Variants in XRCC4 observed in about 807,000 individuals in gnomAD.
XRCC4 encodes the protein X-ray repair cross complementing 4.
Under a neutral mutation model 39.1 loss-of-function variants are expected in XRCC4, and 28 were observed. The observed-to-expected ratio is 0.72, with a 90% CI of 0.53 to 0.98. The LOEUF (loss-of-function observed/expected upper bound fraction) is 0.98. XRCC4 is among the 50% of genes least tolerant of loss of function. The probability of loss-of-function intolerance (pLI) is 0.00; values close to 1 mark genes in which losing one functional copy is unlikely to be tolerated. For synonymous variants in XRCC4, 123 were observed against 126.4 expected (o/e 0.97, Z 0.18); for missense variants, 350 against 376.4 (o/e 0.93, Z 0.58).
chr5:83,340,618 TA>T (rs34646294), intron 7 of XRCC4, among the ~76,000 whole-genome samples: 64 of 145,098 alleles, frequency 4.4e-4, no homozygotes, highest in East Asian at 8.1e-4. Flanking sequence ...CTCTACAAGC[TA>T]AAAAAAAAAA....
chr5:83,089,992 GC>G (rs1745348830), intron 1 of XRCC4, among the ~76,000 whole-genome samples: 1 of 152,136 alleles, frequency 6.6e-6, no homozygotes, highest in African/African-American at 2.4e-5. Context: ...CTGTGGACAT[GC>G]CACCTTTTAG....
intron 7 of XRCC4, chr5:83,280,687 A>T (rs1041530441): frequency 3.8e-5 from 9 of 238,416 alleles, no homozygotes; most frequent in Admixed American, 5.8e-5. Flanking sequence ...GAATCCATTC[A>T]TAAGGGCAGA....
At chr5:83,226,640 AT>A (rs773915515) in intron 6 of XRCC4, among the ~76,000 whole-genome samples, 2 of 152,030 alleles carry the variant, frequency 1.3e-5, no homozygotes, top group African/African-American at 4.8e-5. Flanking sequence ...GATGTTGGGG[AT>A]TTCTTTCCCA....
intron 3 of XRCC4, among the ~76,000 whole-genome samples, chr5:83,153,014 A>G (rs1028032839): frequency 4.6e-5 from 7 of 152,178 alleles, no homozygotes; most frequent in African/African-American, 1.7e-4. Flanking sequence ...TATGACCACA[A>G]GAATACTTCC....
chr5:83,138,412 A>G (rs1387068742), intron 3 of XRCC4, among the ~76,000 whole-genome samples: 3 of 152,018 alleles, frequency 2.0e-5, no homozygotes, highest in Non-Finnish European at 4.4e-5. Context: ...CTTGTTAGAT[A>G]TTTGTTATTG....
chr5:83,340,978 T>C (rs1756739841), intron 7 of XRCC4, among the ~76,000 whole-genome samples: 1 of 152,174 alleles, frequency 6.6e-6, no homozygotes. Context: ...TTTCCTTAAC[T>C]GGACCACTAA....
At chr5:83,262,719 C>T (rs1487638284) in intron 7 of XRCC4, among the ~76,000 whole-genome samples, 5 of 151,720 alleles carry the variant, frequency 3.3e-5, no homozygotes, top group Admixed American at 3.3e-4. Flanking sequence ...TGTAAAGTTG[C>T]TTTTACCAAT....
intron 7 of XRCC4, among the ~76,000 whole-genome samples, chr5:83,309,700 G>T (rs1755637455): frequency 7.0e-6 from 1 of 142,278 alleles, no homozygotes; most frequent in African/African-American, 2.6e-5. Context: ...GGAGGCGGAG[G>T]TTGCAGTGAT....
At chr5:83,105,436 G>T (rs1746152460) in intron 2 of XRCC4, among the ~76,000 whole-genome samples, 1 of 152,152 alleles carries the variant, frequency 6.6e-6, no homozygotes, top group Non-Finnish European at 1.5e-5. Flanking sequence ...TTGCCTTGGG[G>T]CAATGGGGTA....
chr5:83,141,670 C>A (rs1373400194), intron 3 of XRCC4, among the ~76,000 whole-genome samples: 1 of 149,616 alleles, frequency 6.7e-6, no homozygotes, highest in East Asian at 1.9e-4. Context: ...GATCCTTTGT[C>A]CTTCAAATTT....
intron 7 of XRCC4, among the ~76,000 whole-genome samples, chr5:83,307,531 T>C (rs1561466516): frequency 6.6e-6 from 1 of 152,178 alleles, no homozygotes; most frequent in East Asian, 1.9e-4. Context: ...TTTAAGAGAC[T>C]CGTAAGCAGA....
At chr5:83,177,442 T>TG (rs1750010709) in intron 3 of XRCC4, among the ~76,000 whole-genome samples, 1 of 84,440 alleles carries the variant, frequency 1.2e-5, no homozygotes. Context: ...TAATACCTTT[T>TG]TTTTTTTTTT....
intron 7 of XRCC4, chr5:83,310,647 A>G: frequency 2.7e-6 from 1 of 373,602 alleles, no homozygotes; most frequent in South Asian, 2.1e-5. Flanking sequence ...GATAATCAGG[A>G]GTGACTCCCT....
At chr5:83,146,832 C>T in intron 3 of XRCC4, among the ~76,000 whole-genome samples, 1 of 152,096 alleles carries the variant, frequency 6.6e-6, no homozygotes, top group Non-Finnish European at 1.5e-5. Context: ...GTCCAGAAAG[C>T]CTGAATTTAA....
intron 3 of XRCC4, among the ~76,000 whole-genome samples, chr5:83,146,755 A>C (rs991246435): frequency 6.6e-6 from 1 of 152,220 alleles, no homozygotes; most frequent in Non-Finnish European, 1.5e-5. Flanking sequence ...AACTATCAGA[A>C]GTGACAATTA....
At chr5:83,245,945 T>G (rs1327179765) in intron 6 of XRCC4, among the ~76,000 whole-genome samples, 2 of 152,032 alleles carry the variant, frequency 1.3e-5, no homozygotes, top group African/African-American at 4.8e-5. Context: ...TACTCATTCT[T>G]GAAAGTAACT....
At chr5:83,358,571 A>G (rs1757215337), downstream of XRCC4, among the ~76,000 whole-genome samples, 1 of 152,102 alleles carries the variant, frequency 6.6e-6, no homozygotes, top group African/African-American at 2.4e-5. Context: ...GTAAAGAGAG[A>G]TTAGAGCCCT....
rs559079642 is a variant in XRCC4 at position 83,116,608 on chromosome 5, CTTTTTTTTTTTT to C, written c.315+5425_315+5436del. Among the ~76,000 whole-genome samples the C allele has an allele frequency of 8.7e-5, 9 of 103,196 alleles. 1 individual carries two copies. The highest frequency in any genetic ancestry group is 1.4e-4 in the African/African-American group (4 of 29,474). 67.7% of individuals were successfully genotyped at this position (103,196 alleles called of 152,430 possible). ...GAAAGAATTACCAGTTTCTCTCTCT[CTTTTTTTTTTTT>C]TTTTTTTTTTTTTTTTTTTGAGATG... On this transcript the variant is annotated intron_variant, in intron 3 of 7. Coordinates refer to ENST00000396027, the MANE Select transcript of XRCC4 (RefSeq NM_003401.5).
At chr5:83,217,152 A>G (rs1751890606) in intron 6 of XRCC4, among the ~76,000 whole-genome samples, 1 of 151,934 alleles carries the variant, frequency 6.6e-6, no homozygotes, top group East Asian at 1.9e-4. Flanking sequence ...CCAGGAGTTC[A>G]AGACCAGCCT....
Sources: allele counts gnomAD v4.1 joint callset (sites outside exome capture counted in the v4.1 genomes callset), GRCh38; gene constraint gnomAD v4.1.1; transcripts MANE v1.5; gene names NCBI Gene and HGNC (gene_info 2026-07-23, HGNC 2026-07-21).